RGMA: variants seen among roughly 807,000 people sequenced by gnomAD.
The protein encoded by RGMA is repulsive guidance molecule BMP co-receptor a.
A neutral mutation model predicts 23.2 loss-of-function variants in RGMA; 10 were observed. That is an observed-to-expected ratio of 0.43 (90% CI 0.27 to 0.73). The LOEUF (loss-of-function observed/expected upper bound fraction) is 0.73. Ranked by LOEUF, RGMA falls within the 30% of genes least tolerant of loss-of-function variation. RGMA has a pLI of 0.20. For synonymous variants in RGMA, 308 were observed against 279.3 expected, an observed-to-expected ratio of 1.10 and a Z score of -1.03; for missense variants, 547 against 630.5, an observed-to-expected ratio of 0.87 and a Z score of 1.42.
chr15:93,080,524 A>T (rs921291863), intron 1 of RGMA, among the ~76,000 whole-genome samples: 1 of 152,168 alleles, frequency 6.6e-6, no homozygotes, highest in Non-Finnish European at 1.5e-5. Flanking sequence ...GCCACCTCTG[A>T]TGAGATCACA....
chr15:93,083,985 G>A (rs548921326), intron 1 of RGMA, among the ~76,000 whole-genome samples: 1 of 152,118 alleles, frequency 6.6e-6, no homozygotes, highest in East Asian at 1.9e-4. Flanking sequence ...TTCCATAAAG[G>A]ATATTAAACT....
At chr15:93,066,912 G>T (rs1895175203) in intron 2 of RGMA, among the ~76,000 whole-genome samples, 1 of 152,246 alleles carries the variant, frequency 6.6e-6, no homozygotes, top group African/African-American at 2.4e-5. Flanking sequence ...AACTGGCTAT[G>T]TGTGCAATGT....
intron 1 of RGMA, among the ~76,000 whole-genome samples, chr15:93,074,680 G>A (rs574616972): frequency 3.5e-4 from 54 of 152,328 alleles, no homozygotes; most frequent in African/African-American, 1.3e-3. Context: ...GGTTTTCCCA[G>A]TGAAAGCCCA....
chr15:93,084,665 G>A (rs539341238), intron 1 of RGMA, among the ~76,000 whole-genome samples: 88 of 152,134 alleles, frequency 5.8e-4, no homozygotes, highest in Non-Finnish European at 5.6e-4. Context: ...TAGAGACGGC[G>A]TTTCACCATG....
Position 93,052,441 on chromosome 15 carries a change from G to A in RGMA, c.197C>T (p.Ala66Val). ...EFWSATSGSHAPASDDTPEFC... is the reference protein window; with the variant it reads ...EFWSATSGSHVPASDDTPEFC... ...CTCGGGGGTGTCGTCTGAGGCTGGG[G>A]CGTGGCTGCCCGACGTGGCGCTCCA... The change falls in exon 3 of 4, where the codon GCC (alanine) becomes GTC (valine). Residue 66 changes from alanine (A) to valine (V), a missense_variant. By Grantham distance (64) the Ala-to-Val change is moderately conservative (BLOSUM62 0). This residue lies in a region of RGMA where 214 missense variants were observed against 234.7 expected (regional missense o/e 0.91). Coordinates refer to ENST00000329082, the MANE Select transcript of RGMA (RefSeq NM_020211.3). 2 of 1,593,532 alleles carry A rather than the reference G, an allele frequency of 1.3e-6. No homozygotes were observed. Among genetic ancestry groups the A allele is most frequent in the Middle Eastern group, 1.7e-4 (1 of 6,046 alleles).
chr15:93,045,021 C>A lies in RGMA; in HGVS notation c.1330G>T (p.Ala444Ser). The change falls in exon 4 of 4, where the codon GCC becomes TCC. Residue 444 changes from alanine to serine, a missense_variant. Ala to Ser is a moderately conservative substitution (Grantham distance 99). This residue lies in a region of RGMA where 205 missense variants were observed against 204.1 expected (regional missense o/e 1.00). Coordinates refer to ENST00000329082, the MANE Select transcript of RGMA (RefSeq NM_020211.3). The surrounding 1 kb of genome is among the most constrained non-coding windows in gnomAD (Gnocchi z 6.9). ...PLLGALVPLL[A>S]LLPVFC ...GTCTAGCAGAACACAGGGAGCAGGG[C>A]CAGGAGCGGGACGAGGGCGCCCAGG... The A allele has an allele frequency of 6.2e-7, 1 of 1,600,612 alleles. No homozygotes were observed. The highest frequency in any genetic ancestry group is 8.5e-7 in the Non-Finnish European group (1 of 1,174,070).
intron 1 of RGMA, among the ~76,000 whole-genome samples, chr15:93,082,256 G>A (rs1381992892): frequency 2.0e-5 from 3 of 152,200 alleles, no homozygotes; most frequent in African/African-American, 7.2e-5. Context: ...TCTTGGGAGA[G>A]CTCTGCAGAG....
chr15:93,062,081 G>A (rs543735658), intron 2 of RGMA, among the ~76,000 whole-genome samples: 125 of 152,024 alleles, frequency 8.2e-4, no homozygotes, highest in Non-Finnish European at 1.1e-3. Flanking sequence ...GGGGTGAGCC[G>A]GAGAGGGAAA....
chr15:93,048,846 G>A (rs1224744525), intron 3 of RGMA, among the ~76,000 whole-genome samples: 8 of 150,674 alleles, frequency 5.3e-5, no homozygotes, highest in Admixed American at 2.0e-4. Flanking sequence ...GCCATGGGGG[G>A]AGGATGGGGG....
chr15:93,067,162 T>C (rs1177405487), intron 2 of RGMA, among the ~76,000 whole-genome samples: 1 of 152,198 alleles, frequency 6.6e-6, no homozygotes, highest in Non-Finnish European at 1.5e-5. Context: ...CTGTGGGAGG[T>C]TGGATTTTGG....
intron 1 of RGMA, among the ~76,000 whole-genome samples, chr15:93,076,708 T>A (rs1291592018): frequency 6.6e-6 from 1 of 152,198 alleles, no homozygotes; most frequent in East Asian, 1.9e-4. Context: ...AAGATTCTAT[T>A]ACCATCCTCA....
At chr15:93,077,193 A>AG (rs1214255091) in intron 1 of RGMA, among the ~76,000 whole-genome samples, 2 of 151,936 alleles carry the variant, frequency 1.3e-5, no homozygotes, top group Non-Finnish European at 2.9e-5. Context: ...AGCTTGGGGG[A>AG]GCCTGTGAAG....
intron 1 of RGMA, chr15:93,088,543 G>A: frequency 9.9e-7 from 1 of 1,006,392 alleles, no homozygotes. Flanking sequence ...CGGGCGGCGC[G>A]GGCCAATGGG....
chr15:93,073,662 T>C (rs1377480983), intron 1 of RGMA: 2 of 1,537,102 alleles, frequency 1.3e-6, no homozygotes, highest in African/African-American at 1.4e-5. Context: ...AAAAACCCAC[T>C]TCCGAGTTGT....
At chr15:93,050,790 G>C (rs747878426) in intron 3 of RGMA, among the ~76,000 whole-genome samples, 10 of 152,194 alleles carry the variant, frequency 6.6e-5, no homozygotes, top group African/African-American at 2.2e-4. Context: ...CGCCCTGCCA[G>C]CCCTTGGGAA....
At chr15:93,059,336 C>T (rs2141822459) in intron 2 of RGMA, among the ~76,000 whole-genome samples, 1 of 152,310 alleles carries the variant, frequency 6.6e-6, no homozygotes. Flanking sequence ...GTGCGGAGCC[C>T]ACCAGGAGCA....
At chr15:93,073,510 C>T (rs375183737) in intron 1 of RGMA, 1 of 1,384,748 alleles carries the variant, frequency 7.2e-7, no homozygotes. Flanking sequence ...ATCCCCTCCA[C>T]GAATATCCAA....
At chr15:93,066,053 G>A (rs1596097527) in intron 2 of RGMA, 1 of 1,513,668 alleles carries the variant, frequency 6.6e-7, no homozygotes, top group Non-Finnish European at 9.1e-7. Flanking sequence ...GCCACCATGG[G>A]TGGTGGGGCA....
chr15:93,077,765 T>C (rs1895495930), intron 1 of RGMA, among the ~76,000 whole-genome samples: 1 of 152,214 alleles, frequency 6.6e-6, no homozygotes, highest in Admixed American at 6.5e-5. Context: ...TGGAGCGCAA[T>C]GGTGCGACCT....
Sources: gnomAD v4.1 joint callset for allele counts (sites outside exome capture counted in the v4.1 genomes callset) on GRCh38, gnomAD v4.1.1 for gene constraint, gnomAD v4.1.1 regional missense constraint, Gnocchi (gnomAD v3.1) non-coding constraint, MANE v1.5 for transcripts, NCBI Gene and HGNC (gene_info 2026-07-23, HGNC 2026-07-21) for gene names.